The following EYS variants were observed in gnomAD, a reference collection of about 807,000 sequenced individuals.
EYS encodes protein eyes shut homolog.
A neutral mutation model predicts 282.1 loss-of-function variants in EYS; 250 were observed. The observed-to-expected ratio is 0.89, with a 90% CI of 0.80 to 0.98. EYS has a LOEUF of 0.98. Ranked by LOEUF, EYS falls within the 50% of genes least tolerant of loss-of-function variation. The probability of loss-of-function intolerance (pLI) is 0.00; values close to 1 mark genes in which losing one functional copy is unlikely to be tolerated. For missense variants in EYS, 4,016 were observed against 3,709.0 expected (o/e 1.08, Z -2.15); for synonymous variants, 1,355 against 1,282.9 (o/e 1.06, Z -1.20).
intron 42 of EYS, among the ~76,000 whole-genome samples, chr6:63,722,008 T>G (rs1768416989): frequency 6.6e-6 from 1 of 152,100 alleles, no homozygotes. Context: ...CTACATAAAT[T>G]TTCTCTAGTT....
chr6:64,691,392 C>T (rs958234667), intron 22 of EYS, among the ~76,000 whole-genome samples: 1 of 152,050 alleles, frequency 6.6e-6, no homozygotes, highest in African/African-American at 2.4e-5. Flanking sequence ...ACCTACAGAA[C>T]AGCTAATAAT....
intron 5 of EYS, among the ~76,000 whole-genome samples, chr6:65,487,907 G>T (rs899349910): frequency 2.0e-5 from 3 of 152,114 alleles, no homozygotes; most frequent in Non-Finnish European, 4.4e-5. Context: ...TCTTGGGAGG[G>T]TGTATGTGTC....
intron 22 of EYS, among the ~76,000 whole-genome samples, chr6:64,651,731 T>C (rs1768568997): frequency 6.6e-6 from 1 of 152,160 alleles, no homozygotes; most frequent in Non-Finnish European, 1.5e-5. Flanking sequence ...AAAAGTTCAA[T>C]ATTGTTATAA....
chr6:64,992,324 T>C (rs1327115462), intron 14 of EYS, among the ~76,000 whole-genome samples: 1 of 151,852 alleles, frequency 6.6e-6, no homozygotes, highest in African/African-American at 2.4e-5. Flanking sequence ...TTGTGAATCA[T>C]AGAACAAATT....
intron 33 of EYS, among the ~76,000 whole-genome samples, chr6:64,054,056 A>C (rs1034823639): frequency 6.6e-6 from 1 of 152,114 alleles, no homozygotes; most frequent in African/African-American, 2.4e-5. Flanking sequence ...TATTGTGTTG[A>C]TTTAGTTTCA....
chr6:64,574,134 G>A (rs1241409626), intron 26 of EYS, among the ~76,000 whole-genome samples: 1 of 152,160 alleles, frequency 6.6e-6, no homozygotes, highest in Non-Finnish European at 1.5e-5. Flanking sequence ...CAGGGGCATG[G>A]ATGAAGCTGG....
At chr6:65,323,115 T>G (rs1423618109) in intron 11 of EYS, among the ~76,000 whole-genome samples, 1 of 146,296 alleles carries the variant, frequency 6.8e-6, no homozygotes, top group East Asian at 2.0e-4. Flanking sequence ...AAAATACATT[T>G]TTTATTGTAT....
At chr6:64,740,406 A>G (rs1185155222) in intron 22 of EYS, among the ~76,000 whole-genome samples, 1 of 152,224 alleles carries the variant, frequency 6.6e-6, no homozygotes, top group Non-Finnish European at 1.5e-5. Context: ...AAAAGCTTAT[A>G]TATTCTATTC....
At chr6:65,390,352 G>A (rs1283056575) in intron 7 of EYS, among the ~76,000 whole-genome samples, 3 of 151,278 alleles carry the variant, frequency 2.0e-5, no homozygotes, top group Non-Finnish European at 4.4e-5. Context: ...TAGAAAAGGA[G>A]CCAGGGAGAG....
chr6:64,581,640 G>C (rs1032640427), intron 26 of EYS, among the ~76,000 whole-genome samples: 5 of 151,930 alleles, frequency 3.3e-5, no homozygotes, highest in Admixed American at 2.6e-4. Flanking sequence ...TGGTTCATAC[G>C]TGCATGTTAT....
At chr6:65,316,669 C>G (rs1769303462) in intron 11 of EYS, among the ~76,000 whole-genome samples, 1 of 151,794 alleles carries the variant, frequency 6.6e-6, no homozygotes, top group Admixed American at 6.6e-5. Flanking sequence ...TGTGATGTTC[C>G]CCTCCTTGTG....
intron 35 of EYS, among the ~76,000 whole-genome samples, chr6:63,926,487 A>G (rs913910437): frequency 1.3e-5 from 2 of 152,188 alleles, no homozygotes; most frequent in African/African-American, 2.4e-5. Flanking sequence ...AGTCTCTGAG[A>G]GCTGCAGTAT....
At position 64,813,437 on chromosome 6, in the gene EYS, T is replaced by C; in HGVS notation, c.3384A>G (p.Ser1128=). The part of the protein sequence containing the change: ...IDNCAEPELN[S]VICLNGGICV... The stretch of plus-strand genomic sequence containing the variant: ...AGATCCCTCCATTAAGACAGATGAC[T>C]GAATTAAGTTCAGGCTCAGCACAAT... The change falls in exon 22 of 43, where the codon TCA becomes TCG. Residue 1128 remains serine (S), a synonymous_variant. Transcript: ENST00000503581. 1 of 1,550,480 alleles carries C rather than the reference T, an allele frequency of 6.4e-7. No individual in the cohort carries two copies. The highest frequency in any genetic ancestry group is 8.7e-7 in the Non-Finnish European group (1 of 1,146,172).
intron 12 of EYS, among the ~76,000 whole-genome samples, chr6:65,110,347 T>C (rs1463878172): frequency 2.0e-5 from 3 of 152,166 alleles, no homozygotes; most frequent in African/African-American, 7.2e-5. Context: ...TCTTTGAAAG[T>C]AGTTTTGAAA....
intron 13 of EYS, among the ~76,000 whole-genome samples, chr6:65,019,473 T>C (rs1316717521): frequency 2.0e-5 from 3 of 152,160 alleles, no homozygotes; most frequent in African/African-American, 7.2e-5. Flanking sequence ...CACGTGATCT[T>C]AGGCATATGA....
intron 28 of EYS, among the ~76,000 whole-genome samples, chr6:64,417,238 G>A (rs1271047395): frequency 6.6e-6 from 1 of 152,134 alleles, no homozygotes; most frequent in African/African-American, 2.4e-5. Context: ...CAAGGCATAT[G>A]TAGTACCTTA....
intron 26 of EYS, among the ~76,000 whole-genome samples, chr6:64,451,496 C>A (rs988157314): frequency 1.3e-5 from 2 of 152,162 alleles, no homozygotes; most frequent in African/African-American, 2.4e-5. Flanking sequence ...GGAATCCTCC[C>A]TAACTCATTT....
chr6:65,053,012 G>T (rs929867770), intron 13 of EYS, among the ~76,000 whole-genome samples: 1 of 151,636 alleles, frequency 6.6e-6, no homozygotes, highest in Non-Finnish European at 1.5e-5. Flanking sequence ...GCTATTTTTG[G>T]AGGATCTGTA....
intron 22 of EYS, among the ~76,000 whole-genome samples, chr6:64,687,416 G>C (rs1447674357): frequency 1.3e-5 from 2 of 152,140 alleles, no homozygotes; most frequent in South Asian, 2.1e-4. Context: ...TTCATTGAGA[G>C]TTTTTAGCAT....
Sources: gnomAD v4.1 joint callset for allele counts (sites outside exome capture counted in the v4.1 genomes callset) on GRCh38, gnomAD v4.1.1 for gene constraint, MANE v1.5 for transcripts, NCBI Gene and HGNC (gene_info 2026-07-23, HGNC 2026-07-21) for gene names.